Variants in MCUB observed in about 807,000 individuals in gnomAD.
MCUB encodes mitochondrial calcium uniporter dominant negative subunit beta.
MCUB carries 46 observed loss-of-function variants against 41.4 expected under a neutral mutation model. That is an observed-to-expected ratio of 1.11 (90% CI 0.88 to 1.42). The LOEUF (loss-of-function observed/expected upper bound fraction) is 1.42. MCUB is among the 40% of genes most tolerant of loss of function. The pLI, the probability that MCUB is intolerant of heterozygous loss-of-function variation, is 0.00. For missense variants in MCUB, 403 were observed against 404.9 expected, an observed-to-expected ratio of 1.00 and a Z score of 0.04; for synonymous variants, 148 against 148.2, an observed-to-expected ratio of 1.00 and a Z score of 0.01.
At chr4:109,567,441 A>T (rs1726807764) in intron 1 of MCUB, among the ~76,000 whole-genome samples, 1 of 151,868 alleles carries the variant, frequency 6.6e-6, no homozygotes, top group East Asian at 2.0e-4. Context: ...TTCTTTTGTT[A>T]AACATTTTGT....
chr4:109,684,887 T>C (rs778548721), intron 6 of MCUB: 31 of 435,430 alleles, frequency 7.1e-5, no homozygotes, highest in Non-Finnish European at 9.7e-5. Flanking sequence ...GGGATAAATA[T>C]GTGTTCTCTG....
chr4:109,562,965 A>G (rs757475702), intron 1 of MCUB, among the ~76,000 whole-genome samples: 4 of 152,242 alleles, frequency 2.6e-5, no homozygotes, highest in Non-Finnish European at 2.9e-5. Flanking sequence ...GAGCAAGAGC[A>G]TATTGTATTC....
intron 1 of MCUB, among the ~76,000 whole-genome samples, chr4:109,614,791 T>C (rs1206621261): frequency 2.6e-5 from 4 of 152,108 alleles, no homozygotes; most frequent in Admixed American, 6.6e-5. Context: ...GAAAACGCCT[T>C]ATAGAGACTG....
intron 1 of MCUB, among the ~76,000 whole-genome samples, chr4:109,608,709 C>T (rs142658589): frequency 6.6e-6 from 1 of 152,096 alleles, no homozygotes; most frequent in African/African-American, 2.4e-5. Flanking sequence ...CCACGTTGCC[C>T]AGGCTGACCT....
At chr4:109,679,868 C>A (rs1292581179) in intron 4 of MCUB, among the ~76,000 whole-genome samples, 1 of 152,124 alleles carries the variant, frequency 6.6e-6, no homozygotes, top group Non-Finnish European at 1.5e-5. Context: ...GTGGTGCAAT[C>A]TCGGCTCACT....
rs533083238 is a variant in MCUB, at chr4:109,604,202, T to G, written c.99+43766T>G. 2.0e-4 allele frequency among the ~76,000 whole-genome samples: 31 copies of G among 151,254 alleles called. No individual in the cohort carries two copies. In the South Asian group the frequency reaches 6.1e-3, roughly 30 times the overall value. On this transcript the variant is annotated intron_variant, in intron 1 of 7. Coordinates refer to ENST00000394650, the MANE Select transcript of MCUB (RefSeq NM_017918.5). ...TTGAAGGCAGCATGCTCGTTAAGAG[T>G]CATCACCACTCCCTAATCTCAAGTA...
intron 1 of MCUB, among the ~76,000 whole-genome samples, chr4:109,566,327 G>A (rs912234436): frequency 6.6e-6 from 1 of 151,500 alleles, no homozygotes; most frequent in Admixed American, 6.6e-5. Flanking sequence ...AAAATAAGCC[G>A]GGCTTGGTGG....
intron 1 of MCUB, among the ~76,000 whole-genome samples, chr4:109,609,157 A>G (rs1321895595): frequency 6.6e-6 from 1 of 152,230 alleles, no homozygotes; most frequent in African/African-American, 2.4e-5. Context: ...AGACCCCACA[A>G]GAGAGTTCTT....
In MCUB at chr4:109,678,999, C is replaced by G. The variant is rs115829148; in HGVS notation, c.452-3583C>G. On this transcript the variant is annotated intron_variant, in intron 4 of 7. Transcript: ENST00000394650. ...GGGGCAGCCAGGCAGAGACAGTCCT[C>G]ACTTCCTAGATGGGGTGGCAGCTGG... Among the ~76,000 whole-genome samples the G allele has an allele frequency of 7.0e-3, 1,052 of 150,650 alleles. 12 individuals are homozygous for G. The highest frequency in any genetic ancestry group is 0.024 in the African/African-American group (968 of 40,720).
At chr4:109,570,353 A>G (rs1726886712) in intron 1 of MCUB, among the ~76,000 whole-genome samples, 1 of 152,140 alleles carries the variant, frequency 6.6e-6, no homozygotes, top group South Asian at 2.1e-4. Context: ...TAGTACAGGT[A>G]CTTGTCCTAG....
In MCUB at chr4:109,684,589, C is replaced by G; in HGVS notation, c.759C>G (p.Tyr253Ter). 6.2e-7 allele frequency: 1 copy of G among 1,600,702 alleles called. No homozygotes were observed. The highest frequency in any genetic ancestry group is 8.6e-7 in the Non-Finnish European group (1 of 1,167,910). ...YSWDIMEPVT[Y>*]FITFANSMVF... The stretch of plus-strand genomic sequence containing the variant: ...GGGATATCATGGAGCCAGTTACATA[C>G]TTCATCACATTTGCAAATTCTATGG... The change falls in exon 6 of 8, where the codon TAC becomes TAG. Residue 253 changes from tyrosine (Y) to a stop codon, truncating the protein, a stop_gained. Coordinates refer to ENST00000394650, the MANE Select transcript of MCUB (RefSeq NM_017918.5). LOFTEE classifies it high-confidence loss of function.
intron 1 of MCUB, among the ~76,000 whole-genome samples, chr4:109,568,709 A>G (rs373432041): frequency 6.6e-6 from 1 of 152,170 alleles, no homozygotes; most frequent in East Asian, 1.9e-4. Context: ...TCATTCGACC[A>G]TACATTATAG....
intron 5 of MCUB, chr4:109,683,078 T>G (rs1200785439): frequency 1.2e-5 from 2 of 163,526 alleles, no homozygotes; most frequent in African/African-American, 4.8e-5. Context: ...CAGCACTAGC[T>G]GGAGTCCTAC....
chr4:109,650,204 T>C (rs1478261894), intron 1 of MCUB, among the ~76,000 whole-genome samples: 1 of 152,196 alleles, frequency 6.6e-6, no homozygotes, highest in African/African-American at 2.4e-5. Context: ...ATTTTAATAA[T>C]AACCCTCTAA....
rs114612812 is a variant in MCUB, at chr4:109,674,677, G to A, written c.452-7905G>A. 7.0e-3 allele frequency among the ~76,000 whole-genome samples: 1,071 copies of A among 152,288 alleles called. 10 individuals carry two copies. Among genetic ancestry groups the A allele is most frequent in the Admixed American group, 0.012 (184 of 15,294 alleles). On this transcript the variant is annotated intron_variant, in intron 4 of 7. Transcript: ENST00000394650. The stretch of plus-strand genomic sequence containing the variant: ...TAAACAATAGAGCTGCATAATATTA[G>A]TATTTATTAAAGAATCACAATTGTA...
At chr4:109,674,475 A>C (rs941782073) in intron 4 of MCUB, among the ~76,000 whole-genome samples, 3 of 152,192 alleles carry the variant, frequency 2.0e-5, no homozygotes, top group African/African-American at 7.2e-5. Flanking sequence ...AATCTCACAT[A>C]TTTTGGATGT....
intron 1 of MCUB, among the ~76,000 whole-genome samples, chr4:109,595,797 A>G (rs1727541934): frequency 6.6e-6 from 1 of 152,290 alleles, no homozygotes; most frequent in Non-Finnish European, 1.5e-5. Flanking sequence ...GGTCATCTTG[A>G]CCAATGATAA....
rs539416733 is a variant in MCUB at position 109,598,323 on chromosome 4, G to A, written c.99+37887G>A. Reference sequence around the variant, plus strand: ...GGGCACCATTGAGCACTGAGTGAACGAGACTCCGTCTGCAATCCCGGCACC... The same window carrying A: ...GGGCACCATTGAGCACTGAGTGAACAAGACTCCGTCTGCAATCCCGGCACC... On this transcript the variant is annotated intron_variant, in intron 1 of 7. Coordinates refer to ENST00000394650, the MANE Select transcript of MCUB (RefSeq NM_017918.5). Among the ~76,000 whole-genome samples, 548 of 152,204 alleles carry A rather than the reference G, an allele frequency of 3.6e-3. 6 individuals are homozygous for A. Among genetic ancestry groups the A allele is most frequent in the East Asian group, 0.014 (71 of 5,170 alleles).
intron 1 of MCUB, among the ~76,000 whole-genome samples, chr4:109,624,320 T>C (rs1728316820): frequency 1.3e-5 from 2 of 152,202 alleles, no homozygotes; most frequent in African/African-American, 4.8e-5. Context: ...AGGCATTTGC[T>C]CCGGCTGTTG....
Sources: allele counts gnomAD v4.1 joint callset (sites outside exome capture counted in the v4.1 genomes callset), GRCh38; gene constraint gnomAD v4.1.1; transcripts MANE v1.5; gene names NCBI Gene and HGNC (gene_info 2026-07-23, HGNC 2026-07-21).